Variants in CELF2 observed in about 807,000 individuals in gnomAD.
The protein encoded by CELF2 is CUGBP Elav-like family member 2, also known as CUG triplet repeat RNA-binding protein 2.
In CELF2, 8 loss-of-function variants were observed where a neutral mutation model predicts 62.6. That is an observed-to-expected ratio of 0.13 (90% CI 0.07 to 0.23). The LOEUF (loss-of-function observed/expected upper bound fraction) is 0.23, where lower values mean the gene tolerates loss of function less well. Among genes scored for constraint, CELF2 ranks in the 10% least tolerant of loss-of-function variants. The pLI, the probability that CELF2 is intolerant of heterozygous loss-of-function variation, is 1.00. For missense variants in CELF2, 333 were observed against 671.0 expected, an observed-to-expected ratio of 0.50 and a Z score of 5.56; for synonymous variants, 258 against 250.0, an observed-to-expected ratio of 1.03 and a Z score of -0.30.
chr10:10,636,210 A>G, the CELF2 span, among the ~76,000 whole-genome samples: 2 of 152,208 alleles, frequency 1.3e-5, no homozygotes, highest in Admixed American at 1.3e-4. Context: ...GCATGATCAA[A>G]ACAATATGTA....
rs1029006418 is a variant in CELF2, at chr10:11,328,817, G to GGCTGGCACCTCAT, written c.1439-102_1439-90dup. ...CCGCAGAGCTGTGCTGGGCCCGTGGGGCTGGCACCTCATGCTGGCTCTTCA... is the reference window on the plus strand; with the variant it reads ...CCGCAGAGCTGTGCTGGGCCCGTGGGGCTGGCACCTCATGCTGGCACCTCATGCTGGCTCTTCA... On this transcript the variant is annotated intron_variant, in intron 12 of 12. Transcript: ENST00000633077. This position sits in a 1 kb window ranked among gnomAD's most constrained non-coding sequence, Gnocchi z 6.4. The GGCTGGCACCTCAT allele has an allele frequency of 7.6e-6, 10 of 1,308,106 alleles. No individual in the cohort carries two copies. The African/African-American group carries it at 1.2e-4, about 15-fold the overall frequency. 81.0% of individuals were successfully genotyped at this position (1,308,106 alleles called of 1,614,324 possible).
At chr10:10,608,401 C>G in the CELF2 span, among the ~76,000 whole-genome samples, 2 of 152,154 alleles carry the variant, frequency 1.3e-5, no homozygotes, top group Admixed American at 6.5e-5. Context: ...TTCCTTTAGG[C>G]AAAATAACAT....
chr10:10,497,996 G>T, the CELF2 span, among the ~76,000 whole-genome samples: 32 of 152,298 alleles, frequency 2.1e-4, no homozygotes, highest in Non-Finnish European at 3.4e-4. Context: ...AGGTGAAGGA[G>T]GGTCCCCAGA....
the CELF2 span, among the ~76,000 whole-genome samples, chr10:10,712,193 G>C: frequency 2.1e-5 from 3 of 146,100 alleles, no homozygotes; most frequent in Non-Finnish European, 3.0e-5. Flanking sequence ...CTCAGAATAG[G>C]GCAAGTTCAT....
At chr10:11,109,413 C>G (rs1020568264) in intron 1 of CELF2, among the ~76,000 whole-genome samples, 2 of 152,170 alleles carry the variant, frequency 1.3e-5, no homozygotes, top group African/African-American at 4.8e-5. Flanking sequence ...TCACTGGAGC[C>G]TCAAGTACAT....
At chr10:10,630,664 G>A in the CELF2 span, among the ~76,000 whole-genome samples, 1 of 152,194 alleles carries the variant, frequency 6.6e-6, no homozygotes, top group Non-Finnish European at 1.5e-5. Context: ...ATACTATTAA[G>A]AGCCCCAGAA....
At chr10:11,251,605 G>A (rs758883020) in intron 4 of CELF2, among the ~76,000 whole-genome samples, 5 of 151,990 alleles carry the variant, frequency 3.3e-5, no homozygotes, top group Admixed American at 6.5e-5. Flanking sequence ...GAGAAGCCTG[G>A]ATTTGACCCG....
In CELF2 at chr10:11,202,776, T is replaced by C. The variant is rs183658922; in HGVS notation, c.272-14649T>C. ...GGGAGAATATTATTATCATTTGTTA[T>C]CTGCACAATTAGGAAGCAGGAGAGT... On this transcript the variant is annotated intron_variant, in intron 2 of 12. Transcript: ENST00000633077. Among the ~76,000 whole-genome samples, 4 of 152,304 alleles carry C rather than the reference T, an allele frequency of 2.6e-5. No individual in the cohort carries two copies. The East Asian group carries it at 5.8e-4, about 22-fold the overall frequency.
intron 1 of CELF2, among the ~76,000 whole-genome samples, chr10:11,042,306 G>T (rs904185511): frequency 6.6e-6 from 1 of 152,220 alleles, no homozygotes; most frequent in Admixed American, 6.5e-5. Flanking sequence ...AAAGGTTAGA[G>T]TTCTTTGGAA....
the CELF2 span, among the ~76,000 whole-genome samples, chr10:10,597,962 T>A: frequency 6.6e-6 from 1 of 152,204 alleles, no homozygotes; most frequent in South Asian, 2.1e-4. Flanking sequence ...ATGAGCCCTT[T>A]AATGAATCGA....
chr10:11,126,671 A>G (rs1036155816), intron 1 of CELF2, among the ~76,000 whole-genome samples: 12 of 152,242 alleles, frequency 7.9e-5, no homozygotes, highest in Admixed American at 5.9e-4. Context: ...ATTCGAGAAT[A>G]TAGAATAAAA....
At chr10:10,728,452 CAAAAA>C in the CELF2 span, among the ~76,000 whole-genome samples, 70 of 81,436 alleles carry the variant, frequency 8.6e-4, no homozygotes, top group African/African-American at 3.0e-3. Flanking sequence ...GACTCTGTTT[CAAAAA>C]AAAAAAAAAA....
chr10:11,258,019 C>T, intron 5 of CELF2, 147 bp downstream of exon 5: 2 of 887,572 alleles, frequency 2.3e-6, no homozygotes, highest in Non-Finnish European at 3.3e-6. Context: ...GAACTTTTCA[C>T]CATAGCTGAA....
the CELF2 span, among the ~76,000 whole-genome samples, chr10:10,601,725 C>CTT: frequency 7.1e-6 from 1 of 140,090 alleles, no homozygotes. Flanking sequence ...TGGGTTCATT[C>CTT]TTTTTTTTTT....
upstream of CELF2, among the ~76,000 whole-genome samples, chr10:11,017,114 G>T (rs996693993): frequency 1.3e-5 from 2 of 152,158 alleles, no homozygotes; most frequent in Non-Finnish European, 2.9e-5. This position sits in a 1 kb window ranked among gnomAD's most constrained non-coding sequence, Gnocchi z 5.5. Flanking sequence ...CAGCTTCTCT[G>T]TTTTTTCTGA....
the CELF2 span, among the ~76,000 whole-genome samples, chr10:10,695,135 C>T: frequency 1.3e-4 from 19 of 149,174 alleles, no homozygotes; most frequent in African/African-American, 2.0e-4. Context: ...GATTTTGCAG[C>T]GGCTGGTACC....
chr10:11,314,344 GA>G lies in CELF2; in HGVS notation c.1096+91del. The G allele has an allele frequency of 1.9e-6, 3 of 1,575,718 alleles. No homozygotes were observed. The highest frequency in any genetic ancestry group is 2.6e-6 in the Non-Finnish European group (3 of 1,146,174). On this transcript the variant is annotated intron_variant, in intron 10 of 12. Coordinates refer to ENST00000633077, the MANE Select transcript of CELF2 (RefSeq NM_001326342.2). The surrounding 1 kb of genome is among the most constrained non-coding windows in gnomAD (Gnocchi z 5.3). ...GAAAGTGGTCAGCCAGAAATGACCC[GA>G]AAAAGGATATGCCACGGGGAGAACT... is the stretch of plus-strand genomic sequence containing the variant.
the CELF2 span, among the ~76,000 whole-genome samples, chr10:10,519,906 G>A: frequency 6.6e-6 from 1 of 152,212 alleles, no homozygotes. Context: ...CTTCTGTTTA[G>A]ATGAGCCCCA....
intron 1 of CELF2, among the ~76,000 whole-genome samples, chr10:11,058,942 G>A (rs1344987443): frequency 3.3e-5 from 5 of 151,560 alleles, no homozygotes; most frequent in Admixed American, 6.6e-5. Flanking sequence ...CACCATGTCC[G>A]GCTAATTTTT....
Sources: gnomAD v4.1 joint callset for allele counts (sites outside exome capture counted in the v4.1 genomes callset) on GRCh38, gnomAD v4.1.1 for gene constraint, Gnocchi (gnomAD v3.1) non-coding constraint, MANE v1.5 for transcripts, NCBI Gene and HGNC (gene_info 2026-07-23, HGNC 2026-07-21) for gene names.